The following NR3C2 variants were observed in gnomAD, a reference collection of about 807,000 sequenced individuals.
The protein encoded by NR3C2 is nuclear receptor subfamily 3 group C member 2.
A neutral mutation model predicts 86.4 loss-of-function variants in NR3C2; 15 were observed. The ratio of observed to expected loss-of-function variants is 0.17; its 90% CI spans 0.12 to 0.27. The LOEUF is 0.27. Among genes scored for constraint, NR3C2 ranks in the 10% least tolerant of loss-of-function variants. NR3C2 has a pLI of 1.00. For synonymous variants in NR3C2, 458 were observed against 450.5 expected, an observed-to-expected ratio of 1.02 and a Z score of -0.21; for missense variants, 960 against 1,195.6, an observed-to-expected ratio of 0.80 and a Z score of 2.91.
In NR3C2 at chr4:148,080,647, C is replaced by CAA; in HGVS notation, c.*695_*696dup. On this transcript the variant is annotated 3_prime_UTR_variant, in exon 9 of 9. Transcript: ENST00000358102. ...ATACATACAGTAATGTACAGCACAG[C>CAA]AAAAGACTGCAAAAAATTATTTGTA... 1 of 212,256 alleles carries CAA rather than the reference C, an allele frequency of 4.7e-6. No homozygotes were observed. The highest frequency in any genetic ancestry group is 1.0e-5 in the Non-Finnish European group (1 of 96,764). The allele number at this position is 212,256 out of a possible 1,614,324, so 13.1% of individuals were successfully genotyped here. A position where few individuals can be genotyped will look rare whatever the true frequency, so the allele number is the denominator to read the frequency against.
At chr4:148,325,909 T>C (rs1397054733) in intron 2 of NR3C2, among the ~76,000 whole-genome samples, 3 of 152,322 alleles carry the variant, frequency 2.0e-5, no homozygotes, top group Non-Finnish European at 2.9e-5. Flanking sequence ...TTGGATGCAT[T>C]TATCAGATTC....
intron 2 of NR3C2, among the ~76,000 whole-genome samples, chr4:148,272,707 G>C (rs1740750192): frequency 6.6e-6 from 1 of 152,094 alleles, no homozygotes; most frequent in African/African-American, 2.4e-5. Context: ...AGCAATTACG[G>C]ATGTTTTTTT....
intron 3 of NR3C2, among the ~76,000 whole-genome samples, chr4:148,232,097 A>C (rs998363657): frequency 6.6e-6 from 1 of 152,200 alleles, no homozygotes; most frequent in Non-Finnish European, 1.5e-5. Context: ...AACTTCTTCC[A>C]AACTCCTGTT....
chr4:148,221,306 T>G (rs2149827333), intron 3 of NR3C2, among the ~76,000 whole-genome samples: 1 of 152,344 alleles, frequency 6.6e-6, no homozygotes, highest in South Asian at 2.1e-4. Flanking sequence ...GAGTAGTAGC[T>G]TTATAAAGTC....
intron 8 of NR3C2, among the ~76,000 whole-genome samples, chr4:148,102,926 G>C (rs931501640): frequency 5.9e-5 from 9 of 152,202 alleles, no homozygotes; most frequent in African/African-American, 2.2e-4. Flanking sequence ...ATTCTCTACA[G>C]ATGTGGTGAA....
At chr4:148,332,561 T>C (rs1010141551) in intron 2 of NR3C2, among the ~76,000 whole-genome samples, 3 of 152,236 alleles carry the variant, frequency 2.0e-5, no homozygotes, top group African/African-American at 4.8e-5. Context: ...TTTATTTGTG[T>C]CAAGATGCTC....
intron 8 of NR3C2, among the ~76,000 whole-genome samples, chr4:148,098,089 A>G (rs1487758729): frequency 1.3e-5 from 2 of 151,954 alleles, no homozygotes; most frequent in Non-Finnish European, 2.9e-5. Context: ...GTTTCCTCCC[A>G]TCTCCTCTTT....
At chr4:148,392,157 T>G (rs1747617437) in intron 2 of NR3C2, among the ~76,000 whole-genome samples, 1 of 152,118 alleles carries the variant, frequency 6.6e-6, no homozygotes, top group African/African-American at 2.4e-5. Flanking sequence ...CAAAATATAC[T>G]TAAGATCTGA....
intron 4 of NR3C2, among the ~76,000 whole-genome samples, chr4:148,189,498 T>C (rs1331268597): frequency 6.6e-6 from 1 of 152,198 alleles, no homozygotes; most frequent in Non-Finnish European, 1.5e-5. Context: ...GTCTGTAGTT[T>C]TCTTTTTTTG....
At chr4:148,295,333 C>A (rs1169552274) in intron 2 of NR3C2, among the ~76,000 whole-genome samples, 1 of 151,726 alleles carries the variant, frequency 6.6e-6, no homozygotes, top group African/African-American at 2.4e-5. Flanking sequence ...TGTAAATAAA[C>A]ACTGTCCTGA....
At chr4:148,244,556 G>C (rs1739226372) in intron 3 of NR3C2, among the ~76,000 whole-genome samples, 1 of 152,114 alleles carries the variant, frequency 6.6e-6, no homozygotes. Flanking sequence ...AAATACGACT[G>C]TGCATAAGGA....
Position 148,369,237 on chromosome 4 carries a change from A to AT in NR3C2, c.1757+65866dup, listed in dbSNP as rs369745363. Among the ~76,000 whole-genome samples, 318 of 152,312 alleles carry AT rather than the reference A, an allele frequency of 2.1e-3. 1 individual carries two copies. Among genetic ancestry groups the AT allele is most frequent in the African/African-American group, 7.2e-3 (301 of 41,564 alleles). On this transcript the variant is annotated intron_variant, in intron 2 of 8. Coordinates refer to ENST00000358102, the MANE Select transcript of NR3C2 (RefSeq NM_000901.5). ...TTCTGTACATGGCATTGCATTAGCG[A>AT]TTTTTTATGGCTTCAAAATGCTTGT...
chr4:148,276,765 A>G (rs1004974874), intron 2 of NR3C2, among the ~76,000 whole-genome samples: 3 of 152,210 alleles, frequency 2.0e-5, no homozygotes, highest in African/African-American at 7.2e-5. Flanking sequence ...GTTCAAGAGA[A>G]AAGTGCGGTA....
intron 2 of NR3C2, among the ~76,000 whole-genome samples, chr4:148,428,354 T>C (rs1749648805): frequency 6.6e-6 from 1 of 152,214 alleles, no homozygotes; most frequent in East Asian, 1.9e-4. Context: ...AAAGACTTTC[T>C]ACCAAATAAC....
At chr4:148,302,225 T>C (rs1579126583) in intron 2 of NR3C2, among the ~76,000 whole-genome samples, 2 of 152,224 alleles carry the variant, frequency 1.3e-5, no homozygotes, top group African/African-American at 4.8e-5. Flanking sequence ...ACAGGACTCA[T>C]GGAGAGCTAA....
chr4:148,435,657 G>T lies in NR3C2; in HGVS notation c.1204C>A (p.Pro402Thr), dbSNP rs1750017102. The change falls in exon 2 of 9, where the codon CCA (proline) becomes ACA (threonine). Residue 402 changes from proline to threonine, a missense_variant. Physicochemically the swap from Pro to Thr is conservative, Grantham distance 38. This residue lies in a region of NR3C2 where 680 missense variants were observed against 719.0 expected (regional missense o/e 0.95). Transcript: ENST00000358102. ...CATGAGCTGCTAAAAGCTCCATCTGGTTCTGGTTTTATGTACTGGACAATA... is the reference window on the plus strand; with the variant it reads ...CATGAGCTGCTAAAAGCTCCATCTGTTTCTGGTTTTATGTACTGGACAATA... ...LNIVQYIKPE[P>T]DGAFSSSCLG... 1 of 1,614,010 alleles carries T rather than the reference G, an allele frequency of 6.2e-7. No individual in the cohort carries two copies.
chr4:148,127,127 T>C (rs1426375352), intron 6 of NR3C2, among the ~76,000 whole-genome samples: 4 of 152,226 alleles, frequency 2.6e-5, no homozygotes, highest in Admixed American at 2.0e-4. Flanking sequence ...TCGAATTCTC[T>C]AAATGAAGAG....
chr4:148,375,574 AT>A (rs146445006), intron 2 of NR3C2, among the ~76,000 whole-genome samples: 2,660 of 152,190 alleles, frequency 0.017, 83 homozygotes, highest in African/African-American at 0.06. Flanking sequence ...GTATCTACTG[AT>A]TTCTGACATC....
intron 2 of NR3C2, among the ~76,000 whole-genome samples, chr4:148,349,325 GCTGA>G (rs1745155133): frequency 6.6e-6 from 1 of 151,924 alleles, no homozygotes; most frequent in African/African-American, 2.4e-5. Context: ...TTTTTATTTG[GCTGA>G]CTCTCTATTT....
Sources: allele counts gnomAD v4.1 joint callset (sites outside exome capture counted in the v4.1 genomes callset), GRCh38; gene constraint gnomAD v4.1.1; regional missense constraint gnomAD v4.1.1; transcripts MANE v1.5; gene names NCBI Gene and HGNC (gene_info 2026-07-23, HGNC 2026-07-21).